ARHGAP6: variants seen among roughly 807,000 people sequenced by gnomAD.
ARHGAP6 encodes rho GTPase-activating protein 6.
In ARHGAP6, 16 loss-of-function variants were observed where a neutral mutation model predicts 55.7. That is an observed-to-expected ratio of 0.29 (90% CI 0.19 to 0.44). ARHGAP6 has a LOEUF of 0.44. Among genes scored for constraint, ARHGAP6 ranks in the 20% least tolerant of loss-of-function variants. ARHGAP6 has a pLI of 1.00. For synonymous variants in ARHGAP6, 382 were observed against 360.9 expected, an observed-to-expected ratio of 1.06 and a Z score of -0.66; for missense variants, 698 against 808.9, an observed-to-expected ratio of 0.86 and a Z score of 1.66.
chrX:11,162,002 G>A (rs974519617), intron 9 of ARHGAP6, among the ~76,000 whole-genome samples: 15 of 111,244 alleles, frequency 1.3e-4, no homozygotes, highest in Non-Finnish European at 3.8e-5. Flanking sequence ...GTCATTAGAA[G>A]GTAAATTTCC....
At chrX:11,563,116 C>A (rs2051405146) in intron 1 of ARHGAP6, among the ~76,000 whole-genome samples, 1 of 110,490 alleles carries the variant, frequency 9.1e-6, no homozygotes, top group South Asian at 3.8e-4. Context: ...ACATTACTGT[C>A]ATTTTTAAAA....
At chrX:11,242,560 T>C (rs188706159) in intron 2 of ARHGAP6, among the ~76,000 whole-genome samples, 1 of 112,224 alleles carries the variant, frequency 8.9e-6, no homozygotes, top group East Asian at 2.8e-4. Flanking sequence ...GTATCTTTCA[T>C]TGAACAGTCC....
chrX:11,327,488 A>T (rs1259979894), intron 1 of ARHGAP6, among the ~76,000 whole-genome samples: 1 of 112,337 alleles, frequency 8.9e-6, no homozygotes, highest in Non-Finnish European at 1.9e-5. Flanking sequence ...GCAAAGTATC[A>T]AATAATTTTG....
intron 1 of ARHGAP6, among the ~76,000 whole-genome samples, chrX:11,465,255 T>C (rs1458460516): frequency 4.5e-5 from 5 of 112,064 alleles, no homozygotes. Flanking sequence ...CTCTCAATAC[T>C]TGTATGAAGC....
At position 11,517,397 on chromosome X, in the gene ARHGAP6, G is replaced by A. The variant is rs181033325; in HGVS notation, c.588+146844C>T. Among the ~76,000 whole-genome samples the A allele has an allele frequency of 5.8e-3, 651 of 111,316 alleles. 1 individual carries two copies. The highest frequency in any genetic ancestry group is 7.8e-3 in the Non-Finnish European group (416 of 53,039). On this transcript the variant is annotated intron_variant, in intron 1 of 12. Coordinates refer to ENST00000337414, the MANE Select transcript of ARHGAP6 (RefSeq NM_013427.3). ...TCAAATTCTACAAGGGTGTGGATGC[G>A]AGGGTAGGTGAGGAATCAGAGCCAA...
chrX:11,363,742 A>G (rs1023138666), intron 1 of ARHGAP6, among the ~76,000 whole-genome samples: 1 of 112,378 alleles, frequency 8.9e-6, no homozygotes, highest in Non-Finnish European at 1.9e-5. Flanking sequence ...CTAAGTCGAA[A>G]TTACTTTTCT....
chrX:11,411,959 C>A, intron 1 of ARHGAP6, among the ~76,000 whole-genome samples: 1 of 111,288 alleles, frequency 9.0e-6, no homozygotes. Flanking sequence ...TCTCCTTTCC[C>A]AACCACAGCC....
At chrX:11,494,663 G>C (rs1348637499) in intron 1 of ARHGAP6, among the ~76,000 whole-genome samples, 1 of 111,889 alleles carries the variant, frequency 8.9e-6, no homozygotes, top group Non-Finnish European at 1.9e-5. Context: ...TCTGAGAGGT[G>C]GTCACCAGGC....
rs890546058 is a variant in ARHGAP6, at chrX:11,444,919, A to G, written c.589-190212T>C. Among the ~76,000 whole-genome samples the G allele has an allele frequency of 2.7e-5, 3 of 111,602 alleles. No individual in the cohort carries two copies. In the South Asian group the frequency reaches 1.1e-3, roughly 42 times the overall value. On this transcript the variant is annotated intron_variant, in intron 1 of 12. Coordinates refer to ENST00000337414, the MANE Select transcript of ARHGAP6 (RefSeq NM_013427.3). ...ACACCAAAGGAATGACTGCTTTCAAACCACTTCGGGCTTCTTCAACTCTCT... is the reference window on the plus strand; with the variant it reads ...ACACCAAAGGAATGACTGCTTTCAAGCCACTTCGGGCTTCTTCAACTCTCT...
chrX:11,431,166 A>T (rs1177715710), intron 1 of ARHGAP6, among the ~76,000 whole-genome samples: 1 of 111,996 alleles, frequency 8.9e-6, no homozygotes, highest in Non-Finnish European at 1.9e-5. Context: ...TTTCTTTTTT[A>T]AAAAATAATA....
chrX:11,477,938 C>G (rs2050420046), intron 1 of ARHGAP6, among the ~76,000 whole-genome samples: 1 of 111,443 alleles, frequency 9.0e-6, no homozygotes, highest in African/African-American at 3.3e-5. Flanking sequence ...TATATACCTG[C>G]CAAACTTAGT....
At chrX:11,423,987 G>T in intron 1 of ARHGAP6, among the ~76,000 whole-genome samples, 1 of 112,279 alleles carries the variant, frequency 8.9e-6, no homozygotes, top group African/African-American at 3.2e-5. Context: ...GAACTTAATG[G>T]ATACTTAAAT....
chrX:11,521,409 T>C (rs1399317087), intron 1 of ARHGAP6, among the ~76,000 whole-genome samples: 3 of 112,359 alleles, frequency 2.7e-5, no homozygotes, highest in Non-Finnish European at 5.6e-5. Context: ...ATTTGTTGAA[T>C]AGTGAATCCT....
At chrX:11,415,452 G>A (rs371439649) in intron 1 of ARHGAP6, among the ~76,000 whole-genome samples, 50 of 111,987 alleles carry the variant, frequency 4.5e-4, no homozygotes, top group Non-Finnish European at 7.3e-4. Context: ...ACTCACTGAC[G>A]AAACAGAAAA....
intron 1 of ARHGAP6, among the ~76,000 whole-genome samples, chrX:11,470,178 C>T (rs762914462): frequency 1.8e-5 from 2 of 111,679 alleles, no homozygotes; most frequent in Non-Finnish European, 3.8e-5. Flanking sequence ...AATGATGAAG[C>T]TAAACCAATT....
At chrX:11,230,792 A>G (rs1602923472) in intron 2 of ARHGAP6, among the ~76,000 whole-genome samples, 1 of 110,824 alleles carries the variant, frequency 9.0e-6, no homozygotes, top group Non-Finnish European at 1.9e-5. Flanking sequence ...GTTTTTTAGA[A>G]TTGTTTTTAG....
chrX:11,575,013 C>T (rs1000457381), intron 1 of ARHGAP6, among the ~76,000 whole-genome samples: 1 of 112,187 alleles, frequency 8.9e-6, no homozygotes, highest in Admixed American at 9.5e-5. Context: ...CACAAGAAGA[C>T]AGAGATGGCT....
intron 1 of ARHGAP6, among the ~76,000 whole-genome samples, chrX:11,526,408 G>A (rs2050989509): frequency 1.8e-5 from 2 of 111,947 alleles, no homozygotes; most frequent in Admixed American, 1.9e-4. Flanking sequence ...AGTTGCCAAT[G>A]TTTGTAGTAT....
chrX:11,536,935 A>C (rs191283872), intron 1 of ARHGAP6, among the ~76,000 whole-genome samples: 77 of 112,376 alleles, frequency 6.9e-4, no homozygotes, highest in African/African-American at 2.2e-3. Flanking sequence ...CTTCAGTAAA[A>C]TCCAGTGACT....
Sources: gnomAD v4.1 joint callset for allele counts (sites outside exome capture counted in the v4.1 genomes callset) on GRCh38, gnomAD v4.1.1 for gene constraint, MANE v1.5 for transcripts, NCBI Gene and HGNC (gene_info 2026-07-23, HGNC 2026-07-21) for gene names.